The following MGAT4C variants were observed in gnomAD, a reference collection of about 807,000 sequenced individuals.
The protein encoded by MGAT4C is MGAT4 family member C.
In MGAT4C, 19 loss-of-function variants were observed where a neutral mutation model predicts 40.1. The observed-to-expected ratio is 0.47, with a 90% CI of 0.33 to 0.70. MGAT4C has a LOEUF of 0.70. Among genes scored for constraint, MGAT4C ranks in the 30% least tolerant of loss-of-function variants. MGAT4C has a pLI of 0.02. For missense variants in MGAT4C, 491 were observed against 563.2 expected, an observed-to-expected ratio of 0.87 and a Z score of 1.30; for synonymous variants, 181 against 187.1, an observed-to-expected ratio of 0.97 and a Z score of 0.27.
intron 2 of MGAT4C, among the ~76,000 whole-genome samples, chr12:86,488,252 C>CAA (rs760174330): frequency 0.02 from 1,845 of 93,910 alleles, 15 homozygotes; most frequent in Middle Eastern, 0.031. Flanking sequence ...TTGTTTTCTA[C>CAA]AAAAAAAAAA....
intron 1 of MGAT4C, among the ~76,000 whole-genome samples, chr12:86,144,378 A>C (rs934203699): frequency 1.3e-5 from 2 of 152,172 alleles, no homozygotes; most frequent in Admixed American, 6.5e-5. Context: ...TGCTAGTTAT[A>C]CCCTCGAGTA....
chr12:86,514,491 T>A (rs761119614), intron 2 of MGAT4C, among the ~76,000 whole-genome samples: 4 of 152,194 alleles, frequency 2.6e-5, no homozygotes, highest in Non-Finnish European at 2.9e-5. Flanking sequence ...TCTGCATGTT[T>A]TCCCTTTTCA....
intron 3 of MGAT4C, among the ~76,000 whole-genome samples, chr12:86,361,829 G>A (rs559159628): frequency 2.6e-5 from 4 of 152,278 alleles, no homozygotes; most frequent in African/African-American, 9.6e-5. Context: ...TAAAAAGTCA[G>A]GAAACAACAG....
Position 85,972,250 on chromosome 12 carries a change from ATGT to A in MGAT4C, c.*7036_*7038del. ...TTATGTTTGTTTTAGAGCTTAAGAA[ATGT>A]TAAGAAGAGAAGTTACAACTGCATT... is the stretch of plus-strand genomic sequence containing the variant. On this transcript the variant is annotated 3_prime_UTR_variant, in exon 5 of 5. Coordinates refer to ENST00000611864, the MANE Select transcript of MGAT4C (RefSeq NM_001351288.2). 1 of 151,214 alleles carries A rather than the reference ATGT, an allele frequency of 6.6e-6. No individual in the cohort carries two copies. Among genetic ancestry groups the A allele is most frequent in the South Asian group, 2.1e-4 (1 of 4,828 alleles). The allele number at this position is 151,214 out of a possible 1,614,324, so 9.4% of individuals were successfully genotyped here.
At chr12:86,045,646 CCTA>C (rs1329690923) in intron 2 of MGAT4C, among the ~76,000 whole-genome samples, 5 of 152,176 alleles carry the variant, frequency 3.3e-5, no homozygotes, top group Admixed American at 6.5e-5. Context: ...TATCTGATCT[CCTA>C]CTGTCTATTT....
chr12:86,763,636 T>C (rs1951444635), intron 1 of MGAT4C, among the ~76,000 whole-genome samples: 2 of 152,162 alleles, frequency 1.3e-5, no homozygotes. Flanking sequence ...ATATTGCACA[T>C]TATTTTGAGC....
At chr12:86,425,764 G>A (rs1956913969) in intron 3 of MGAT4C, among the ~76,000 whole-genome samples, 1 of 152,098 alleles carries the variant, frequency 6.6e-6, no homozygotes, top group South Asian at 2.1e-4. Flanking sequence ...TGAGAAGACT[G>A]AAGTATTGCA....
chr12:86,084,961 A>G (rs1348883636), intron 1 of MGAT4C, among the ~76,000 whole-genome samples: 1 of 152,036 alleles, frequency 6.6e-6, no homozygotes, highest in Non-Finnish European at 1.5e-5. Context: ...GGTAGTGAGG[A>G]ACTACGTGAT....
chr12:86,448,465 T>C (rs1410910331), intron 2 of MGAT4C, among the ~76,000 whole-genome samples: 1 of 152,190 alleles, frequency 6.6e-6, no homozygotes, highest in Non-Finnish European at 1.5e-5. Flanking sequence ...CCTATCTTAA[T>C]ATGCTTCATT....
At chr12:86,631,434 C>A (rs1021605917) in intron 2 of MGAT4C, among the ~76,000 whole-genome samples, 1 of 152,026 alleles carries the variant, frequency 6.6e-6, no homozygotes, top group Non-Finnish European at 1.5e-5. Context: ...CAAAAAAGAG[C>A]CCGCATTGCC....
intron 3 of MGAT4C, among the ~76,000 whole-genome samples, chr12:86,404,673 T>C (rs1341419681): frequency 2.6e-5 from 4 of 152,070 alleles, no homozygotes; most frequent in Non-Finnish European, 5.9e-5. Flanking sequence ...GGTGGTAATT[T>C]ATAACAGCAG....
At chr12:86,624,058 T>A (rs1293182179) in intron 2 of MGAT4C, among the ~76,000 whole-genome samples, 1 of 152,142 alleles carries the variant, frequency 6.6e-6, no homozygotes, top group Non-Finnish European at 1.5e-5. Flanking sequence ...CAGAGCTCAC[T>A]CAGGGTAAAC....
rs1959020986 is a variant in MGAT4C, at chr12:86,533,660, C to T, written c.-228-98395G>A. Among the ~76,000 whole-genome samples, 8 of 151,334 alleles carry T rather than the reference C, an allele frequency of 5.3e-5. No individual in the cohort carries two copies. The South Asian group carries it at 1.7e-3, about 31-fold the overall frequency. On this transcript the variant is annotated intron_variant, in intron 2 of 7. Transcript: ENST00000548651. ...ATACACACATTATTGTATATACACA[C>T]ATTAATTAAATTACATAATTATAAC...
intron 2 of MGAT4C, among the ~76,000 whole-genome samples, chr12:86,461,051 T>C (rs2136295387): frequency 6.6e-6 from 1 of 152,202 alleles, no homozygotes; most frequent in African/African-American, 2.4e-5. Context: ...TTCATGGCCT[T>C]TTCATGTTAT....
intron 2 of MGAT4C, among the ~76,000 whole-genome samples, chr12:86,581,297 G>C (rs1960769198): frequency 6.6e-6 from 1 of 151,378 alleles, no homozygotes. Context: ...CTTGTGCCTA[G>C]ATAATAGCCA....
intron 2 of MGAT4C, among the ~76,000 whole-genome samples, chr12:86,714,618 C>T (rs1306101087): frequency 6.6e-6 from 1 of 152,088 alleles, no homozygotes; most frequent in Non-Finnish European, 1.5e-5. Flanking sequence ...TACCTTTCGC[C>T]TTCCACCATG....
intron 2 of MGAT4C, among the ~76,000 whole-genome samples, chr12:86,607,480 C>A (rs965374472): frequency 6.6e-6 from 1 of 151,918 alleles, no homozygotes; most frequent in African/African-American, 2.4e-5. Flanking sequence ...TGTTTGTATC[C>A]ATTTTTGTTT....
At chr12:86,703,611 G>T (rs2136618953) in intron 2 of MGAT4C, among the ~76,000 whole-genome samples, 1 of 152,212 alleles carries the variant, frequency 6.6e-6, no homozygotes, top group African/African-American at 2.4e-5. Context: ...TAAATGTAAT[G>T]CTATTGCACA....
At chr12:86,270,158 C>G (rs948254556) in intron 4 of MGAT4C, among the ~76,000 whole-genome samples, 3 of 152,258 alleles carry the variant, frequency 2.0e-5, no homozygotes, top group African/African-American at 7.2e-5. Flanking sequence ...CATCTGCCCC[C>G]TGGGTTCAAG....
Sources: allele counts gnomAD v4.1 joint callset (sites outside exome capture counted in the v4.1 genomes callset), GRCh38; gene constraint gnomAD v4.1.1; transcripts MANE v1.5; gene names NCBI Gene and HGNC (gene_info 2026-07-23, HGNC 2026-07-21).